CCDC170: variants seen among roughly 807,000 people sequenced by gnomAD.
CCDC170 encodes the protein coiled-coil domain-containing protein 170.
A neutral mutation model predicts 72.6 loss-of-function variants in CCDC170; 69 were observed. The observed-to-expected ratio is 0.95, with a 90% confidence interval of 0.78 to 1.16. The LOEUF (loss-of-function observed/expected upper bound fraction) is 1.16. Among genes scored for constraint, CCDC170 ranks in the 50% most tolerant of loss-of-function variants. The pLI is 0.00. For synonymous variants in CCDC170, 300 were observed against 303.9 expected (o/e 0.99, Z 0.13); for missense variants, 852 against 832.5 (o/e 1.02, Z -0.29).
intron 1 of CCDC170, among the ~76,000 whole-genome samples, chr6:151,499,962 C>T (rs930696930): frequency 3.9e-5 from 6 of 152,200 alleles, no homozygotes; most frequent in South Asian, 2.1e-4. Flanking sequence ...GATATATACC[C>T]GAAGTGAAAT....
chr6:151,570,080 A>C (rs544811334), intron 5 of CCDC170, among the ~76,000 whole-genome samples: 126 of 152,278 alleles, frequency 8.3e-4, no homozygotes, highest in Non-Finnish European at 1.3e-3. Flanking sequence ...CATTAGTATG[A>C]TATTGGGGTA....
In CCDC170 at chr6:151,621,184, T is replaced by C. The variant is rs1017150051; in HGVS notation, c.*3037T>C. 2.0e-5 allele frequency: 3 copies of C among 152,250 alleles called. No individual in the cohort carries two copies. Among genetic ancestry groups the C allele is most frequent in the African/African-American group, 7.2e-5 (3 of 41,472 alleles). 9.4% of individuals were successfully genotyped at this position (152,250 alleles called of 1,614,324 possible). A position where few individuals can be genotyped will look rare whatever the true frequency, so the allele number is the denominator to read the frequency against. On this transcript the variant is annotated 3_prime_UTR_variant, in exon 11 of 11. Coordinates refer to ENST00000239374, the MANE Select transcript of CCDC170 (RefSeq NM_025059.4). ...TTAATAAAGCCATTTTCTTCTTTGT[T>C]AAAATGCCAGTTGGTTGTTGGATTT...
intron 5 of CCDC170, among the ~76,000 whole-genome samples, chr6:151,568,939 T>G (rs1776178886): frequency 6.6e-6 from 1 of 152,222 alleles, no homozygotes; most frequent in Admixed American, 6.5e-5. Context: ...AGATATATCC[T>G]CAGGACTGGA....
Position 151,602,961 on chromosome 6 carries a change from C to T in CCDC170, c.1710+6384C>T, listed in dbSNP as rs374969545. 2.0e-3 allele frequency among the ~76,000 whole-genome samples: 302 copies of T among 152,152 alleles called. 2 individuals are homozygous for T. Among genetic ancestry groups the T allele is most frequent in the African/African-American group, 6.9e-3 (286 of 41,514 alleles). On this transcript the variant is annotated intron_variant, in intron 9 of 10. Coordinates refer to ENST00000239374, the MANE Select transcript of CCDC170 (RefSeq NM_025059.4). ...GATTACAGGCGTGTGCCACCATGCCCGGCTAGTTTTTTTATTTTTAGTAGA... is the reference window on the plus strand; with the variant it reads ...GATTACAGGCGTGTGCCACCATGCCTGGCTAGTTTTTTTATTTTTAGTAGA...
chr6:151,533,966 G>A (rs1202667390), intron 1 of CCDC170, among the ~76,000 whole-genome samples: 1 of 152,072 alleles, frequency 6.6e-6, no homozygotes, highest in Admixed American at 6.5e-5. Flanking sequence ...CTCATCAAAA[G>A]AGCTCTCCAA....
chr6:151,572,051 A>G (rs1776226241), intron 5 of CCDC170, among the ~76,000 whole-genome samples: 1 of 152,104 alleles, frequency 6.6e-6, no homozygotes, highest in Non-Finnish European at 1.5e-5. Flanking sequence ...ATGGGGGTTT[A>G]CCAAGTTGCC....
At chr6:151,557,055 A>C (rs1424214494) in intron 5 of CCDC170, among the ~76,000 whole-genome samples, 1 of 152,116 alleles carries the variant, frequency 6.6e-6, no homozygotes, top group Non-Finnish European at 1.5e-5. Flanking sequence ...CCTGCAAATT[A>C]CATGATTTCA....
chr6:151,512,707 AACCGAGTTCCTCCTCCTTTCTAAGAAC>A (rs1474666707), intron 1 of CCDC170, among the ~76,000 whole-genome samples: 11,805 of 130,582 alleles, frequency 0.09, 669 homozygotes, highest in Middle Eastern at 0.16. Context: ...TAAAGTGTTT[AACCGAGTTCCTCCTCCTTTCTAAGAAC>A]TGTTGTAAGG....
At chr6:151,529,518 A>G (rs1175528456) in intron 1 of CCDC170, among the ~76,000 whole-genome samples, 1 of 151,936 alleles carries the variant, frequency 6.6e-6, no homozygotes, top group African/African-American at 2.4e-5. Flanking sequence ...TTAGCTGGGC[A>G]TTGTGGTGCA....
chr6:151,519,108 T>A (rs1043811148), intron 1 of CCDC170, among the ~76,000 whole-genome samples: 5 of 152,098 alleles, frequency 3.3e-5, no homozygotes, highest in Non-Finnish European at 7.4e-5. Flanking sequence ...CAGGGTGGGA[T>A]TTTTTTCCCC....
chr6:151,531,402 A>C (rs751481611), intron 1 of CCDC170, among the ~76,000 whole-genome samples: 2 of 152,232 alleles, frequency 1.3e-5, no homozygotes, highest in Non-Finnish European at 2.9e-5. Context: ...AAGGAGTTCA[A>C]GACCAGCCTG....
chr6:151,495,629 C>A (rs900971509), intron 1 of CCDC170, among the ~76,000 whole-genome samples: 1 of 152,154 alleles, frequency 6.6e-6, no homozygotes, highest in South Asian at 2.1e-4. Flanking sequence ...TCCAGAGTAG[C>A]TGGGACTCCA....
chr6:151,538,667 C>T (rs768195748), intron 3 of CCDC170, among the ~76,000 whole-genome samples: 2 of 152,110 alleles, frequency 1.3e-5, no homozygotes, highest in Admixed American at 6.5e-5. Context: ...AAAAATATCC[C>T]AGAAGCTAGA....
At chr6:151,550,916 T>C (rs777110951) in intron 5 of CCDC170, among the ~76,000 whole-genome samples, 5 of 152,308 alleles carry the variant, frequency 3.3e-5, no homozygotes, top group Admixed American at 2.0e-4. Context: ...TACCATCACA[T>C]TGGGGGTTAG....
chr6:151,518,039 C>T (rs552338412), intron 1 of CCDC170, among the ~76,000 whole-genome samples: 4 of 151,800 alleles, frequency 2.6e-5, no homozygotes, highest in South Asian at 2.1e-4. Flanking sequence ...AAAGATTATA[C>T]GAAACACTAG....
At chr6:151,505,412 G>T (rs1413646208) in intron 1 of CCDC170, among the ~76,000 whole-genome samples, 1 of 152,148 alleles carries the variant, frequency 6.6e-6, no homozygotes. Context: ...TACTGGGCGT[G>T]GTGGCTCATG....
intron 5 of CCDC170, among the ~76,000 whole-genome samples, chr6:151,563,057 G>C (rs532892255): frequency 6.6e-6 from 1 of 152,302 alleles, no homozygotes; most frequent in East Asian, 1.9e-4. Flanking sequence ...TGGGCTGAGG[G>C]GAGAGTCTCT....
At position 151,558,239 on chromosome 6, in the gene CCDC170, T is replaced by G. The variant is rs946717242; in HGVS notation, c.774+9750T>G. Among the ~76,000 whole-genome samples, 8 of 149,372 alleles carry G rather than the reference T, an allele frequency of 5.4e-5. No individual in the cohort carries two copies. The South Asian group carries it at 1.1e-3, about 20-fold the overall frequency. ...CTTTTTATTGAGATTAGTGTTTTTT[T>G]TTTTTTTTTTTTTTTTAATGTTGAC... is the stretch of plus-strand genomic sequence containing the variant. On this transcript the variant is annotated intron_variant, in intron 5 of 10. Coordinates refer to ENST00000239374, the MANE Select transcript of CCDC170 (RefSeq NM_025059.4).
intron 5 of CCDC170, among the ~76,000 whole-genome samples, chr6:151,552,146 A>G (rs1460074806): frequency 6.6e-6 from 1 of 152,024 alleles, no homozygotes; most frequent in Non-Finnish European, 1.5e-5. Flanking sequence ...ATATCCTGTA[A>G]ACTTAAAAGT....
Sources: gnomAD v4.1 joint callset for allele counts (sites outside exome capture counted in the v4.1 genomes callset) on GRCh38, gnomAD v4.1.1 for gene constraint, MANE v1.5 for transcripts, NCBI Gene and HGNC (gene_info 2026-07-23, HGNC 2026-07-21) for gene names.